Variants in ADAMTS3 observed in about 807,000 individuals in gnomAD.
The protein encoded by ADAMTS3 is ADAM metallopeptidase with thrombospondin type 1 motif 3.
Under a neutral mutation model 129.0 loss-of-function variants are expected in ADAMTS3, and 73 were observed. The observed-to-expected ratio is 0.57, with a 90% CI of 0.47 to 0.69. The LOEUF is 0.69. Among genes scored for constraint, ADAMTS3 ranks in the 30% least tolerant of loss-of-function variants. The pLI is 0.00. For synonymous variants in ADAMTS3, 477 were observed against 510.8 expected, an observed-to-expected ratio of 0.93 and a Z score of 0.89; for missense variants, 1,457 against 1,514.5, an observed-to-expected ratio of 0.96 and a Z score of 0.63.
intron 3 of ADAMTS3, among the ~76,000 whole-genome samples, chr4:72,517,848 C>T (rs2109735799): frequency 6.6e-6 from 1 of 151,522 alleles, no homozygotes; most frequent in African/African-American, 2.4e-5. Context: ...CAGTTCTGCT[C>T]TGATCTTAGT....
In ADAMTS3 at chr4:72,367,833, A is replaced by G. The variant is rs959975824; in HGVS notation, c.662-28140T>C. On this transcript the variant is annotated intron_variant, in intron 4 of 21. Transcript: ENST00000286657. ...CCACTACACTCCAGCCTGGGCGACA[A>G]AGCAAGACTCTGTGTCAAAAAAAAA... Among the ~76,000 whole-genome samples, 7 of 145,100 alleles carry G rather than the reference A, an allele frequency of 4.8e-5. No homozygotes were observed. In the East Asian group the frequency reaches 7.9e-4, roughly 16 times the overall value.
At chr4:72,306,497 A>G (rs1365009493) in intron 15 of ADAMTS3, among the ~76,000 whole-genome samples, 1 of 152,012 alleles carries the variant, frequency 6.6e-6, no homozygotes, top group East Asian at 1.9e-4. Flanking sequence ...ATGTTATTTT[A>G]AAAGTCTAAG....
chr4:72,294,213 T>C (rs1464400406), intron 19 of ADAMTS3, among the ~76,000 whole-genome samples: 1 of 152,090 alleles, frequency 6.6e-6, no homozygotes, highest in African/African-American at 2.4e-5. Context: ...TGACCTTCAC[T>C]TGTTTTCTAG....
At chr4:72,478,987 G>A (rs1030413228) in intron 3 of ADAMTS3, among the ~76,000 whole-genome samples, 2 of 152,080 alleles carry the variant, frequency 1.3e-5, no homozygotes, top group African/African-American at 4.8e-5. Flanking sequence ...TACTTACAAG[G>A]GACGTGAAGG....
At chr4:72,301,291 G>A (rs532861710) in intron 17 of ADAMTS3, among the ~76,000 whole-genome samples, 5 of 152,066 alleles carry the variant, frequency 3.3e-5, no homozygotes, top group African/African-American at 1.2e-4. Flanking sequence ...ATTGGACTTC[G>A]ATAAAGCTAA....
chr4:72,349,241 A>G (rs955494679), intron 4 of ADAMTS3, among the ~76,000 whole-genome samples: 2 of 152,054 alleles, frequency 1.3e-5, no homozygotes, highest in African/African-American at 4.8e-5. Context: ...CTAAATTTCC[A>G]TAATTAATAA....
chr4:72,538,547 T>A (rs1721239046), intron 3 of ADAMTS3, among the ~76,000 whole-genome samples: 1 of 151,544 alleles, frequency 6.6e-6, no homozygotes, highest in Admixed American at 6.6e-5. Context: ...CCTTCAAAAT[T>A]GAGGGAGAAG....
At chr4:72,416,682 T>C (rs1722313536) in intron 3 of ADAMTS3, among the ~76,000 whole-genome samples, 1 of 152,224 alleles carries the variant, frequency 6.6e-6, no homozygotes, top group Non-Finnish European at 1.5e-5. Flanking sequence ...TATTCAGAGT[T>C]GTTCCTATTG....
chr4:72,391,750 A>G (rs1375839296), intron 4 of ADAMTS3, among the ~76,000 whole-genome samples: 1 of 152,062 alleles, frequency 6.6e-6, no homozygotes, highest in African/African-American at 2.4e-5. Context: ...GTGAAGGTTA[A>G]AAAAAAACAA....
rs557684508 is a variant in ADAMTS3, at chr4:72,417,633, A to C, written c.505-2662T>G. 5.3e-5 allele frequency among the ~76,000 whole-genome samples: 8 copies of C among 152,230 alleles called. No homozygotes were observed. In the East Asian group the frequency reaches 1.5e-3, roughly 29 times the overall value. ...ATTAATTTAAGTAAAGTTTAATGAA[A>C]GAAAGTACTTATATAGGCTGGGCGC... On this transcript the variant is annotated intron_variant, in intron 3 of 21. Transcript: ENST00000286657.
At chr4:72,458,346 A>G (rs1458697579) in intron 3 of ADAMTS3, among the ~76,000 whole-genome samples, 1 of 151,506 alleles carries the variant, frequency 6.6e-6, no homozygotes, top group African/African-American at 2.4e-5. Flanking sequence ...AGAATAAGCA[A>G]TCACGATGTT....
intron 2 of ADAMTS3, among the ~76,000 whole-genome samples, chr4:72,550,277 G>A (rs1267101609): frequency 6.6e-6 from 1 of 151,862 alleles, no homozygotes; most frequent in East Asian, 1.9e-4. Flanking sequence ...ATCCAATAAT[G>A]TATTTAGAGC....
rs1718393984 is a variant in ADAMTS3, at chr4:72,283,073, A to C, written c.*63T>G. The C allele has an allele frequency of 7.3e-7, 1 of 1,378,206 alleles. No individual in the cohort carries two copies. The highest frequency in any genetic ancestry group is 2.1e-5 in the Admixed American group (1 of 48,670). 85.4% of individuals were successfully genotyped at this position (1,378,206 alleles called of 1,614,324 possible). On this transcript the variant is annotated 3_prime_UTR_variant, in exon 22 of 22. Coordinates refer to ENST00000286657, the MANE Select transcript of ADAMTS3 (RefSeq NM_014243.3). The stretch of plus-strand genomic sequence containing the variant: ...ATTTCCACTTTAAACAAGCATATGC[A>C]CCATGGGAAGAGAGAGGTTGTCCAG...
intron 3 of ADAMTS3, among the ~76,000 whole-genome samples, chr4:72,472,498 CT>C (rs557246320): frequency 6.6e-6 from 1 of 151,782 alleles, no homozygotes; most frequent in African/African-American, 2.4e-5. Context: ...TGTTTTCTTA[CT>C]TTTTTTTAGC....
intron 3 of ADAMTS3, among the ~76,000 whole-genome samples, chr4:72,450,981 G>GAAGAGAAGAGAAGAGAAGAGAAGAA (rs1560520080): frequency 3.1e-5 from 2 of 64,350 alleles, no homozygotes; most frequent in African/African-American, 1.4e-4. Flanking sequence ...GAAGAGAAGA[G>GAAGAGAAGAGAAGAGAAGAGAAGAA]AAGAGAAGAG....
chr4:72,568,570 A>C, intron 1 of ADAMTS3, 124 bp downstream of exon 1: 11 of 787,126 alleles, frequency 1.4e-5, no homozygotes, highest in Non-Finnish European at 2.3e-5. Flanking sequence ...CCGTTTCTGA[A>C]CGCAAAAGAT....
chr4:72,548,626 T>C lies in ADAMTS3; in HGVS notation c.356A>G (p.Asn119Ser), dbSNP rs771307458. 1.2e-6 allele frequency: 2 copies of C among 1,613,974 alleles called. No homozygotes were observed. The highest frequency in any genetic ancestry group is 1.3e-5 in the African/African-American group (1 of 75,032). Residue 119 changes from asparagine (N) to serine (S), a missense_variant, in exon 3 of 22, where the codon AAT (asparagine) becomes AGT (serine). Coordinates refer to ENST00000286657, the MANE Select transcript of ADAMTS3 (RefSeq NM_014243.3). ...ATGGTTGTTAATGGGATCGGTTATA[T>C]TCCCAGGCACCAGAGATGTCTCATG... ...EWHETSLVPG[N>S]ITDPINNHQP...
chr4:72,345,737 G>T (rs929768681), intron 4 of ADAMTS3, among the ~76,000 whole-genome samples: 1 of 151,956 alleles, frequency 6.6e-6, no homozygotes, highest in African/African-American at 2.4e-5. Context: ...TGTTTTTACT[G>T]ACTACTTTAT....
At chr4:72,517,304 G>C (rs1029940955) in intron 3 of ADAMTS3, among the ~76,000 whole-genome samples, 1 of 151,900 alleles carries the variant, frequency 6.6e-6, no homozygotes, top group Non-Finnish European at 1.5e-5. Context: ...TCTCTTTTTT[G>C]GTTGTGTCTC....
Sources: gnomAD v4.1 joint callset for allele counts (sites outside exome capture counted in the v4.1 genomes callset) on GRCh38, gnomAD v4.1.1 for gene constraint, MANE v1.5 for transcripts, NCBI Gene and HGNC (gene_info 2026-07-23, HGNC 2026-07-21) for gene names.